Variants in LCT observed in about 807,000 individuals in gnomAD.
LCT encodes lactase/phlorizin hydrolase.
LCT carries 90 observed loss-of-function variants against 173.0 expected under a neutral mutation model. The ratio of observed to expected loss-of-function variants is 0.52; its 90% confidence interval spans 0.44 to 0.62. LCT has a LOEUF of 0.62. LCT is among the 20% of genes least tolerant of loss of function. The pLI, the probability that LCT is intolerant of heterozygous loss-of-function variation, is 0.00. For synonymous variants in LCT, 853 were observed against 957.6 expected (o/e 0.89, Z 2.02); for missense variants, 1,864 against 2,431.4 (o/e 0.77, Z 4.91).
rs1056906832 is a variant in LCT, at chr2:135,787,880, C to G, written c.*444G>C. 8.2e-6 allele frequency: 1 copy of G among 121,992 alleles called. No individual in the cohort carries two copies. Among genetic ancestry groups the G allele is most frequent in the Admixed American group, 9.1e-5 (1 of 10,930 alleles). 7.6% of individuals were successfully genotyped at this position (121,992 alleles called of 1,614,324 possible). On this transcript the variant is annotated 3_prime_UTR_variant, in exon 17 of 17. Coordinates refer to ENST00000264162, the MANE Select transcript of LCT (RefSeq NM_002299.4). ...TCTGCTGTTTTTATTTTCTGGAAAA[C>G]ACAAGATGTGAAGCTAGGGAGAGCT... is the stretch of plus-strand genomic sequence containing the variant.
At chr2:135,801,452 C>T (rs2077627114) in intron 11 of LCT, among the ~76,000 whole-genome samples, 1 of 152,036 alleles carries the variant, frequency 6.6e-6, no homozygotes. Flanking sequence ...GGGTGGCTCA[C>T]ACCCATAATC....
rs1220136131 is a variant in LCT at position 135,808,992 on chromosome 2, C to T, written c.3355G>A (p.Val1119Ile). 7 of 1,611,218 alleles carry T rather than the reference C, an allele frequency of 4.3e-6. No individual in the cohort carries two copies. Among genetic ancestry groups the T allele is most frequent in the Non-Finnish European group, 4.2e-6 (5 of 1,177,950 alleles). Reference protein sequence around the residue: ...DEKYRQEQKGVISLSLSTHWA... With the variant: ...DEKYRQEQKGIISLSLSTHWA... ...TGTGTACTGAGGCTCAGCGAGATGA[C>T]CCCCTTCTGCTCCTGCCTGTATTTC... The change falls in exon 8 of 17, where the codon GTC becomes ATC. Residue 1119 changes from valine (V) to isoleucine (I), a missense_variant. This residue lies in a region of LCT where 755 missense variants were observed against 926.3 expected (regional missense o/e 0.82). Coordinates refer to ENST00000264162, the MANE Select transcript of LCT (RefSeq NM_002299.4).
chr2:135,806,620 C>A (rs573285766), intron 9 of LCT, among the ~76,000 whole-genome samples: 10 of 152,292 alleles, frequency 6.6e-5, no homozygotes, highest in Middle Eastern at 3.4e-3. Context: ...TTTAGATACA[C>A]AAATACCACT....
intron 6 of LCT, among the ~76,000 whole-genome samples, chr2:135,817,124 G>A (rs2077786638): frequency 6.6e-6 from 1 of 152,072 alleles, no homozygotes; most frequent in East Asian, 1.9e-4. Context: ...GCCTGCCTTG[G>A]CCTCCCACAG....
intron 1 of LCT, 146 bp from the exon 2 acceptor site, chr2:135,833,336 GGC>G: frequency 1.4e-6 from 1 of 722,910 alleles, no homozygotes; most frequent in Non-Finnish European, 2.5e-6. Context: ...AAGACAAGGT[GGC>G]TTAAAAAAAT....
intron 2 of LCT, among the ~76,000 whole-genome samples, chr2:135,831,128 G>A (rs1263993945): frequency 6.6e-6 from 1 of 152,188 alleles, no homozygotes; most frequent in Non-Finnish European, 1.5e-5. Context: ...GCCCACTCAA[G>A]CTTGGGAACC....
intron 5 of LCT, chr2:135,821,753 G>C (rs944884814): frequency 2.1e-6 from 1 of 468,826 alleles, no homozygotes; most frequent in South Asian, 2.2e-5. Context: ...GCCTACCAGA[G>C]TGCTGGGATT....
intron 6 of LCT, among the ~76,000 whole-genome samples, chr2:135,816,362 A>G (rs1248854982): frequency 6.6e-6 from 1 of 152,180 alleles, no homozygotes; most frequent in Non-Finnish European, 1.5e-5. Context: ...CAGGGTGGGT[A>G]TGCGACCCAC....
In LCT at chr2:135,788,312, G is replaced by T. The variant is rs1353374711; in HGVS notation, c.*12C>A. On this transcript the variant is annotated 3_prime_UTR_variant, in exon 17 of 17. Coordinates refer to ENST00000264162, the MANE Select transcript of LCT (RefSeq NM_002299.4). ...ACTAGGCCTGCTTCATAGAACTTGA[G>T]GTGGTAACTCATCAGAATGAAGACA... The T allele has an allele frequency of 1.3e-5, 20 of 1,591,594 alleles. No homozygotes were observed. Among genetic ancestry groups the T allele is most frequent in the Non-Finnish European group, 1.7e-5 (20 of 1,161,070 alleles).
intron 5 of LCT, among the ~76,000 whole-genome samples, chr2:135,821,360 G>T (rs2077828895): frequency 6.6e-6 from 1 of 152,138 alleles, no homozygotes; most frequent in African/African-American, 2.4e-5. Context: ...TTCCAGGGAG[G>T]ATGTTTCACC....
At chr2:135,817,067 C>T (rs1200507363) in intron 6 of LCT, among the ~76,000 whole-genome samples, 4 of 152,030 alleles carry the variant, frequency 2.6e-5, no homozygotes, top group African/African-American at 9.7e-5. Flanking sequence ...GACAAGATTT[C>T]GCCATGTTGC....
Position 135,808,984 on chromosome 2 carries a change from C to A in LCT, c.3363G>T (p.Ser1121=), listed in dbSNP as rs748568703. ...KYRQEQKGVI[S]LSLSTHWAEP... is the part of the protein sequence containing the mutation. The stretch of plus-strand genomic sequence containing the variant: ...CTGCCCAGTGTGTACTGAGGCTCAG[C>A]GAGATGACCCCCTTCTGCTCCTGCC... Residue 1121 remains serine (S), a synonymous_variant, in exon 8 of 17, where the codon TCG becomes TCT. Transcript: ENST00000264162. 1 of 1,611,326 alleles carries A rather than the reference C, an allele frequency of 6.2e-7. No homozygotes were observed. Among genetic ancestry groups the A allele is most frequent in the Non-Finnish European group, 8.5e-7 (1 of 1,178,072 alleles).
At chr2:135,835,044 A>G (rs2077974543) in intron 1 of LCT, among the ~76,000 whole-genome samples, 1 of 152,126 alleles carries the variant, frequency 6.6e-6, no homozygotes, top group Non-Finnish European at 1.5e-5. Flanking sequence ...TTCACCTAGT[A>G]GTTTCAATTC....
At chr2:135,834,715 G>A (rs562081428) in intron 1 of LCT, among the ~76,000 whole-genome samples, 1 of 137,426 alleles carries the variant, frequency 7.3e-6, no homozygotes, top group African/African-American at 2.7e-5. Context: ...TTGAACTCGG[G>A]AGGCAGAGGT....
Position 135,809,423 on chromosome 2 carries a change from C to A in LCT, c.2924G>T (p.Arg975Leu). Reference sequence around the variant, plus strand: ...AATCCGAGACCAGGAGATAGAGAAGCGGTAGGCCTTCACCTTCAAAGCTCG... The same window carrying A: ...AATCCGAGACCAGGAGATAGAGAAGAGGTAGGCCTTCACCTTCAAAGCTCG... ...MLRALKVKAYRFSISWSRIFP... is the reference protein window; with the variant it reads ...MLRALKVKAYLFSISWSRIFP... Residue 975 changes from arginine (R) to leucine (L), a missense_variant, in exon 8 of 17, where the codon CGC becomes CTC. By Grantham distance (102) the Arg-to-Leu change is moderately radical (BLOSUM62 -2). This residue lies in a region of LCT where 755 missense variants were observed against 926.3 expected (regional missense o/e 0.82). Transcript: ENST00000264162. The surrounding 1 kb of genome is among the most constrained non-coding windows in gnomAD (Gnocchi z 5.5). 1 of 1,614,186 alleles carries A rather than the reference C, an allele frequency of 6.2e-7. No individual in the cohort carries two copies. The highest frequency in any genetic ancestry group is 8.5e-7 in the Non-Finnish European group (1 of 1,180,038).
rs551439735 is a variant in LCT at position 135,820,923 on chromosome 2, C to CA, written c.986+1096dup. Among the ~76,000 whole-genome samples, 335 of 152,090 alleles carry CA rather than the reference C, an allele frequency of 2.2e-3. 2 individuals carry two copies. Among genetic ancestry groups the CA allele is most frequent in the African/African-American group, 7.7e-3 (320 of 41,492 alleles). ...GGAGATGGAGTCTCGCTCCATCACC[C>CA]AGGCTGGAGTGCAATGGCGCGATCT... On this transcript the variant is annotated intron_variant, in intron 5 of 16. Transcript: ENST00000264162.
chr2:135,817,674 G>A lies in LCT; in HGVS notation c.1374C>T (p.Ser458=). 6.2e-7 allele frequency: 1 copy of A among 1,613,936 alleles called. No homozygotes were observed. The highest frequency in any genetic ancestry group is 8.5e-7 in the Non-Finnish European group (1 of 1,180,024). Reference sequence around the variant, plus strand: ...TCCCGTGCCCCATGGGGAAGATCCGGGACCAGGAGATGGAGAACTTGTACA... The same window carrying A: ...TCCCGTGCCCCATGGGGAAGATCCGAGACCAGGAGATGGAGAACTTGTACA... The part of the protein sequence containing the change: ...AQVYKFSISW[S]RIFPMGHGSS... The change falls in exon 6 of 17, where the codon TCC becomes TCT. Residue 458 remains serine (S), a synonymous_variant. Transcript: ENST00000264162.
intron 4 of LCT, chr2:135,823,204 A>T (rs2077851597): frequency 6.3e-6 from 1 of 157,804 alleles, no homozygotes; most frequent in Admixed American, 6.0e-5. Context: ...AGAGTGACAG[A>T]CAGACAAGAG....
chr2:135,822,207 T>G, intron 4 of LCT, 109 bp from the exon 5 acceptor site: 1 of 764,542 alleles, frequency 1.3e-6, no homozygotes, highest in South Asian at 1.4e-5. Flanking sequence ...CTCCAAGCAG[T>G]GGTTCCAAGC....
Sources: allele counts gnomAD v4.1 joint callset (sites outside exome capture counted in the v4.1 genomes callset), GRCh38; gene constraint gnomAD v4.1.1; regional missense constraint gnomAD v4.1.1; non-coding constraint Gnocchi (gnomAD v3.1); transcripts MANE v1.5; gene names NCBI Gene and HGNC (gene_info 2026-07-23, HGNC 2026-07-21).